The following FARS2 variants were observed in gnomAD, a reference collection of about 807,000 sequenced individuals.
FARS2 encodes the protein phenylalanine--tRNA ligase, mitochondrial.
A neutral mutation model predicts 46.4 loss-of-function variants in FARS2; 40 were observed. That is an observed-to-expected ratio of 0.86 (90% confidence interval 0.67 to 1.12). The LOEUF is 1.12. Among genes scored for constraint, FARS2 ranks in the 50% most tolerant of loss-of-function variants. The probability of loss-of-function intolerance (pLI) is 0.00; values close to 1 mark genes in which losing one functional copy is unlikely to be tolerated. For missense variants in FARS2, 513 were observed against 567.9 expected (o/e 0.90, Z 0.98); for synonymous variants, 234 against 214.9 (o/e 1.09, Z -0.78).
At chr6:5,750,150 C>T (rs754472617) in intron 6 of FARS2, among the ~76,000 whole-genome samples, 7 of 152,056 alleles carry the variant, frequency 4.6e-5, no homozygotes, top group African/African-American at 9.7e-5. Context: ...CATCATGATA[C>T]GACAGCATGG....
At chr6:5,768,716 T>A (rs893028330) in intron 6 of FARS2, among the ~76,000 whole-genome samples, 1 of 152,228 alleles carries the variant, frequency 6.6e-6, no homozygotes, top group Non-Finnish European at 1.5e-5. Context: ...TGATTTGCAT[T>A]TCCCTGATGG....
chr6:5,589,862 T>G (rs1773817127), intron 5 of FARS2, among the ~76,000 whole-genome samples: 1 of 152,180 alleles, frequency 6.6e-6, no homozygotes, highest in South Asian at 2.1e-4. Flanking sequence ...CATTAAAAAA[T>G]TGAATATTCC....
intron 6 of FARS2, among the ~76,000 whole-genome samples, chr6:5,711,070 T>TA (rs1354810340): frequency 6.6e-6 from 1 of 151,998 alleles, no homozygotes; most frequent in Non-Finnish European, 1.5e-5. Context: ...AATAATATAA[T>TA]ACAAATATCT....
intron 6 of FARS2, among the ~76,000 whole-genome samples, chr6:5,755,022 C>T (rs1762134741): frequency 6.6e-6 from 1 of 152,110 alleles, no homozygotes; most frequent in Non-Finnish European, 1.5e-5. Context: ...ATATTCTATC[C>T]TATATGTTTC....
At position 5,658,273 on chromosome 6, in the gene FARS2, GAGAACTT is replaced by G. The variant is rs200359661; in HGVS notation, c.1217+44959_1217+44965del. On this transcript the variant is annotated intron_variant, in intron 6 of 6. Coordinates refer to ENST00000274680, the MANE Select transcript of FARS2 (RefSeq NM_006567.5). ...CTCTGTCTCAAAAAAAAAAAAAAAA[GAGAACTT>G]AGAACAGTGCCTGGCACAAAATAAT... is the stretch of plus-strand genomic sequence containing the variant. 4.2e-5 allele frequency among the ~76,000 whole-genome samples: 6 copies of G among 143,672 alleles called. No individual in the cohort carries two copies. The East Asian group carries it at 1.2e-3, about 29-fold the overall frequency. 94.3% of individuals were successfully genotyped at this position (143,672 alleles called of 152,430 possible).
At chr6:5,556,431 G>A (rs531288619) in intron 5 of FARS2, among the ~76,000 whole-genome samples, 21 of 151,912 alleles carry the variant, frequency 1.4e-4, no homozygotes, top group African/African-American at 4.1e-4. Flanking sequence ...CCCTTGTACC[G>A]TCAGTTTCCA....
chr6:5,368,604 G>T lies in FARS2; in HGVS notation c.34G>T (p.Ala12Ser). The T allele has an allele frequency of 1.2e-6, 2 of 1,613,816 alleles. No individual in the cohort carries two copies. The highest frequency in any genetic ancestry group is 1.7e-6 in the Non-Finnish European group (2 of 1,179,796). The change falls in exon 2 of 7, where the codon GCA (alanine) becomes TCA (serine). Residue 12 changes from alanine to serine, a missense_variant. By Grantham distance (99) the Ala-to-Ser change is moderately conservative. Coordinates refer to ENST00000274680, the MANE Select transcript of FARS2 (RefSeq NM_006567.5). ...CTCAGCTCTCAGGAGAGGTGCCCAT[G>T]CATATGTCTACCTGGTGAGTAAGGC... Reference protein sequence around the residue: ...VGSALRRGAHAYVYLVSKASH... With the variant: ...VGSALRRGAHSYVYLVSKASH...
chr6:5,405,480 C>CTTTTTTTCTTT lies in FARS2; in HGVS notation c.772+786_772+787insCTTTTTTTTTT, dbSNP rs765851968. 3.9e-4 allele frequency among the ~76,000 whole-genome samples: 23 copies of CTTTTTTTCTTT among 58,960 alleles called. 1 individual carries two copies. The highest frequency in any genetic ancestry group is 5.9e-4 in the Non-Finnish European group (19 of 32,164). 38.7% of individuals were successfully genotyped at this position (58,960 alleles called of 152,430 possible). ...AGGACGTGATCAGTGGAGCAAGGTT[C>CTTTTTTTCTTT]TTTTTTTTTTTTTTTTTTTTTTTTT... On this transcript the variant is annotated intron_variant, in intron 3 of 6. Coordinates refer to ENST00000274680, the MANE Select transcript of FARS2 (RefSeq NM_006567.5).
intron 4 of FARS2, among the ~76,000 whole-genome samples, chr6:5,495,917 A>C (rs554324425): frequency 6.6e-6 from 1 of 152,330 alleles, no homozygotes; most frequent in African/African-American, 2.4e-5. Flanking sequence ...GATCCTATAA[A>C]ATATTCAGTA....
chr6:5,616,010 T>TAAAAAAAAAAAAAA (rs11327256), intron 6 of FARS2, among the ~76,000 whole-genome samples: 11 of 95,828 alleles, frequency 1.1e-4, no homozygotes, highest in Non-Finnish European at 1.6e-4. Flanking sequence ...CCATAGCTCT[T>TAAAAAAAAAAAAAA]AAAAAAAAAA....
intron 1 of FARS2, among the ~76,000 whole-genome samples, chr6:5,351,579 C>G (rs1221367881): frequency 1.3e-5 from 2 of 152,118 alleles, no homozygotes; most frequent in African/African-American, 4.8e-5. Flanking sequence ...TCTTATTTTC[C>G]TCGATTACAG....
chr6:5,256,970 G>A (rs1008574857), upstream of FARS2, among the ~76,000 whole-genome samples: 9 of 151,992 alleles, frequency 5.9e-5, no homozygotes, highest in Non-Finnish European at 1.2e-4. Flanking sequence ...CCCTTCTAAT[G>A]ATTTATCAAA....
rs1769090837 is a variant in FARS2, at chr6:5,311,717, A to G, written c.-22+50057A>G. Reference sequence around the variant, plus strand: ...GTCTTATTTAGCTAAGACTAGGACCATGTGCTCTTTTTTTTGGCATGGAGG... The same window carrying G: ...GTCTTATTTAGCTAAGACTAGGACCGTGTGCTCTTTTTTTTGGCATGGAGG... On this transcript the variant is annotated intron_variant, in intron 1 of 6. Transcript: ENST00000274680. The surrounding 1 kb of genome is among the most constrained non-coding windows in gnomAD (Gnocchi z 4.1). Among the ~76,000 whole-genome samples, 1 of 152,130 alleles carries G rather than the reference A, an allele frequency of 6.6e-6. No individual in the cohort carries two copies. The highest frequency in any genetic ancestry group is 1.5e-5 in the Non-Finnish European group (1 of 68,034).
chr6:5,596,806 C>T (rs1248639471), intron 5 of FARS2, among the ~76,000 whole-genome samples: 1 of 152,154 alleles, frequency 6.6e-6, no homozygotes, highest in Non-Finnish European at 1.5e-5. Context: ...CAGTGGAATC[C>T]AAAATTTGGG....
intron 2 of FARS2, among the ~76,000 whole-genome samples, chr6:5,390,885 A>G (rs1760466945): frequency 6.6e-6 from 1 of 152,184 alleles, no homozygotes; most frequent in Non-Finnish European, 1.5e-5. Flanking sequence ...ATGTTTTTCA[A>G]AGCAGTCCTC....
intron 4 of FARS2, among the ~76,000 whole-genome samples, chr6:5,467,361 A>G (rs1658433991): frequency 7.1e-6 from 1 of 141,796 alleles, no homozygotes; most frequent in South Asian, 2.1e-4. Context: ...TTCATTTCTA[A>G]GGAGGTTCAT....
At position 5,462,016 on chromosome 6, in the gene FARS2, C is replaced by T. The variant is rs148264246; in HGVS notation, c.904+30844C>T. Among the ~76,000 whole-genome samples, 624 of 152,218 alleles carry T rather than the reference C, an allele frequency of 4.1e-3. 7 individuals are homozygous for T. Among genetic ancestry groups the T allele is most frequent in the African/African-American group, 0.015 (608 of 41,536 alleles). On this transcript the variant is annotated intron_variant, in intron 4 of 6. Coordinates refer to ENST00000274680, the MANE Select transcript of FARS2 (RefSeq NM_006567.5). ...ACTGCTGAACTTTTTCTAAAGTGACCGTACATGAGCAATACATGAGGGTTC... is the reference window on the plus strand; with the variant it reads ...ACTGCTGAACTTTTTCTAAAGTGACTGTACATGAGCAATACATGAGGGTTC...
rs77698254 is a variant in FARS2 at position 5,272,760 on chromosome 6, T to A, written c.-22+11100T>A. 2.7e-3 allele frequency among the ~76,000 whole-genome samples: 414 copies of A among 152,328 alleles called. 7 individuals carry two copies. The highest frequency in any genetic ancestry group is 0.021 in the Admixed American group (322 of 15,300). Reference sequence around the variant, plus strand: ...TCCATCAGACACTAAGTCTTATCTCTTCTATCAAGCTGTATTTTTACTTGC... The same window carrying A: ...TCCATCAGACACTAAGTCTTATCTCATCTATCAAGCTGTATTTTTACTTGC... On this transcript the variant is annotated intron_variant, in intron 1 of 6. Coordinates refer to ENST00000274680, the MANE Select transcript of FARS2 (RefSeq NM_006567.5).
At chr6:5,740,135 T>A (rs564668560) in intron 6 of FARS2, among the ~76,000 whole-genome samples, 16 of 152,320 alleles carry the variant, frequency 1.1e-4, no homozygotes, top group Non-Finnish European at 2.1e-4. Flanking sequence ...GGCATCTGTC[T>A]GCTGTGTGCT....
Sources: allele counts gnomAD v4.1 joint callset (sites outside exome capture counted in the v4.1 genomes callset), GRCh38; gene constraint gnomAD v4.1.1; non-coding constraint Gnocchi (gnomAD v3.1); transcripts MANE v1.5; gene names NCBI Gene and HGNC (gene_info 2026-07-23, HGNC 2026-07-21).